MYO1H: variants seen among roughly 807,000 people sequenced by gnomAD.
MYO1H encodes myosin IH.
A neutral mutation model predicts 149.3 loss-of-function variants in MYO1H; 118 were observed. The observed-to-expected ratio is 0.79, with a 90% CI of 0.68 to 0.92. MYO1H has a LOEUF of 0.92. MYO1H is among the 40% of genes least tolerant of loss of function. MYO1H has a pLI of 0.00. For synonymous variants in MYO1H, 447 were observed against 465.2 expected, an observed-to-expected ratio of 0.96 and a Z score of 0.50; for missense variants, 1,212 against 1,280.7, an observed-to-expected ratio of 0.95 and a Z score of 0.82.
intron 1 of MYO1H, among the ~76,000 whole-genome samples, chr12:109,364,197 AAGAAGT>A (rs1868817360): frequency 6.8e-6 from 1 of 147,506 alleles, no homozygotes; most frequent in Non-Finnish European, 1.5e-5. Flanking sequence ...AAAAAAAAAA[AAGAAGT>A]GGGAACAGCA....
At chr12:109,341,615 G>C in the MYO1H span, among the ~76,000 whole-genome samples, 1 of 104,522 alleles carries the variant, frequency 9.6e-6, no homozygotes, top group Non-Finnish European at 1.9e-5. Flanking sequence ...ATTGGAGGCT[G>C]TTTGCGGGAG....
Position 109,360,161 on chromosome 12 carries a change from C to A in MYO1H, c.12+12189C>A, listed in dbSNP as rs61936483. On this transcript the variant is annotated intron_variant, in intron 1 of 31. Coordinates refer to ENST00000310903, the Ensembl canonical transcript of MYO1H. ...TGGATGTATGTGGATAAATATGAGA[C>A]TGCAGGGAATTTCAAATGTCACCTC... Among the ~76,000 whole-genome samples, 1,486 of 150,948 alleles carry A rather than the reference C, an allele frequency of 9.8e-3. 16 individuals are homozygous for A. Among genetic ancestry groups the A allele is most frequent in the Non-Finnish European group, 0.016 (1,067 of 67,856 alleles).
intron 19 of MYO1H, among the ~76,000 whole-genome samples, chr12:109,427,909 A>AAAAAAATAT (rs1555254298): frequency 1.8e-4 from 3 of 16,422 alleles, no homozygotes; most frequent in African/African-American, 9.3e-4. Context: ...AAAAAAAAAA[A>AAAAAAATAT]ATATATATAT....
At chr12:109,321,065 G>A in the MYO1H span, among the ~76,000 whole-genome samples, 1 of 152,032 alleles carries the variant, frequency 6.6e-6, no homozygotes, top group African/African-American at 2.4e-5. Context: ...TCCAGCCTGG[G>A]CGACAGAGCA....
the MYO1H span, among the ~76,000 whole-genome samples, chr12:109,323,833 C>T: frequency 7.2e-5 from 11 of 152,086 alleles, no homozygotes; most frequent in Non-Finnish European, 1.6e-4. Context: ...AATTTAGTGA[C>T]ATAAAATCAC....
intron 5 of MYO1H, 57 bp from the exon 6 acceptor site, chr12:109,401,035 GC>G: frequency 6.7e-7 from 1 of 1,500,482 alleles, no homozygotes; most frequent in Non-Finnish European, 9.2e-7. Context: ...ATCAGGAGAT[GC>G]CAGGAAGAGA....
At chr12:109,390,142 C>G (rs907527804) in intron 2 of MYO1H, among the ~76,000 whole-genome samples, 1 of 151,756 alleles carries the variant, frequency 6.6e-6, no homozygotes, top group Non-Finnish European at 1.5e-5. Context: ...ATTGAAACTT[C>G]TCTGCTTTGG....
chr12:109,441,586 T>C, intron 25 of MYO1H, 29 bp from the exon 26 acceptor site: 2 of 1,531,260 alleles, frequency 1.3e-6, no homozygotes, highest in Non-Finnish European at 1.8e-6. Flanking sequence ...GTGGCTACCA[T>C]TTTTATACTT....
intron 14 of MYO1H, among the ~76,000 whole-genome samples, chr12:109,413,458 T>C (rs1202065058): frequency 1.3e-5 from 2 of 152,308 alleles, no homozygotes; most frequent in East Asian, 3.9e-4. Context: ...ACTGAAAGGA[T>C]ATAAGTAAAT....
intron 3 of MYO1H, among the ~76,000 whole-genome samples, chr12:109,395,537 C>T (rs1869851493): frequency 6.6e-6 from 1 of 152,012 alleles, no homozygotes; most frequent in African/African-American, 2.4e-5. Context: ...AGTTCCAGAC[C>T]AGCCTGATCA....
the MYO1H span, among the ~76,000 whole-genome samples, chr12:109,322,357 C>CTGTA: frequency 2.6e-5 from 4 of 152,174 alleles, no homozygotes; most frequent in Non-Finnish European, 4.4e-5. Flanking sequence ...AGTCACCAGT[C>CTGTA]TGTAGTATCT....
intron 19 of MYO1H, 49 bp from the exon 20 acceptor site, chr12:109,432,848 C>A: frequency 6.6e-7 from 1 of 1,521,558 alleles, no homozygotes. Context: ...TGGGGGAGGG[C>A]TAGAGGAAGG....
At chr12:109,372,108 C>T (rs1868994979) in intron 1 of MYO1H, among the ~76,000 whole-genome samples, 1 of 151,988 alleles carries the variant, frequency 6.6e-6, no homozygotes, top group African/African-American at 2.4e-5. Flanking sequence ...TGTCTTTTAA[C>T]TCTGCTTATA....
At chr12:109,402,528 G>A (rs1394671449) in intron 6 of MYO1H, among the ~76,000 whole-genome samples, 1 of 152,200 alleles carries the variant, frequency 6.6e-6, no homozygotes, top group African/African-American at 2.4e-5. Flanking sequence ...AACACTTTGG[G>A]AGGCCAAGGC....
upstream of MYO1H, among the ~76,000 whole-genome samples, chr12:109,345,515 G>C (rs1338112477): frequency 2.0e-5 from 3 of 152,140 alleles, no homozygotes; most frequent in Non-Finnish European, 2.9e-5. Context: ...TGGTGGGAAT[G>C]TAAAATGATG....
intron 20 of MYO1H, among the ~76,000 whole-genome samples, chr12:109,434,292 G>A (rs1871765081): frequency 6.6e-6 from 1 of 152,104 alleles, no homozygotes; most frequent in Admixed American, 6.5e-5. Flanking sequence ...TTGCAGGCGT[G>A]AGCCACCGCG....
chr12:109,407,706 A>AT (rs200288707), intron 9 of MYO1H, 88 bp from the exon 10 acceptor site: 65,012 of 1,234,894 alleles, frequency 0.053, 779 homozygotes, highest in Middle Eastern at 0.069. Flanking sequence ...TCATTATTTT[A>AT]TTTTTTTTTT....
At chr12:109,409,246 C>CTTCTT (rs1870549669) in intron 10 of MYO1H, among the ~76,000 whole-genome samples, 37 of 47,840 alleles carry the variant, frequency 7.7e-4, no homozygotes, top group South Asian at 7.6e-3. Flanking sequence ...TCTTCTTCTT[C>CTTCTT]TTTTTTTTTT....
chr12:109,312,559 G>T, the MYO1H span, among the ~76,000 whole-genome samples: 51 of 152,156 alleles, frequency 3.4e-4, no homozygotes, highest in Admixed American at 5.9e-4. Flanking sequence ...TTATTATCAG[G>T]TCATGACCGT....
Sources: allele counts gnomAD v4.1 joint callset (sites outside exome capture counted in the v4.1 genomes callset), GRCh38; gene constraint gnomAD v4.1.1; transcripts MANE v1.5; gene names NCBI Gene and HGNC (gene_info 2026-07-23, HGNC 2026-07-21).